Variants in SAMD3 observed in about 807,000 individuals in gnomAD.
The protein encoded by SAMD3 is sterile alpha motif domain containing 3, also known as sterile alpha motif domain-containing protein 3.
In SAMD3, 63 loss-of-function variants were observed where a neutral mutation model predicts 58.5. That is an observed-to-expected ratio of 1.08 (90% CI 0.88 to 1.33). The LOEUF (loss-of-function observed/expected upper bound fraction) is 1.33. SAMD3 is among the 40% of genes most tolerant of loss of function. The pLI is 0.00. For missense variants in SAMD3, 604 were observed against 608.4 expected, an observed-to-expected ratio of 0.99 and a Z score of 0.08; for synonymous variants, 220 against 210.3, an observed-to-expected ratio of 1.05 and a Z score of -0.40.
intron 1 of SAMD3, among the ~76,000 whole-genome samples, chr6:130,343,985 G>C (rs925843101): frequency 1.1e-4 from 16 of 143,738 alleles, no homozygotes; most frequent in Non-Finnish European, 2.1e-4. Context: ...AAAAAAAAAA[G>C]GGTCAAGGAC....
At chr6:130,256,418 A>G (rs531816432) in intron 2 of SAMD3, among the ~76,000 whole-genome samples, 1 of 152,338 alleles carries the variant, frequency 6.6e-6, no homozygotes, top group South Asian at 2.1e-4. Flanking sequence ...ACTGTGCACT[A>G]AATCTTGACT....
intron 2 of SAMD3, among the ~76,000 whole-genome samples, chr6:130,239,024 G>A (rs1773262523): frequency 1.3e-5 from 2 of 152,174 alleles, no homozygotes; most frequent in Non-Finnish European, 2.9e-5. Context: ...CTCCCAAAGT[G>A]CTGGGATTAC....
chr6:130,215,370 C>T (rs757698277), intron 2 of SAMD3, 76 bp from the exon 3 acceptor site: 78 of 1,271,306 alleles, frequency 6.1e-5, no homozygotes, highest in Admixed American at 3.3e-4. Flanking sequence ...AACAGTCAGC[C>T]GCTTCCTTTG....
chr6:130,319,644 A>T (rs1776515788), intron 1 of SAMD3, among the ~76,000 whole-genome samples: 1 of 152,216 alleles, frequency 6.6e-6, no homozygotes, highest in Non-Finnish European at 1.5e-5. Context: ...TCTTTCAAGC[A>T]TAAGGCAAAT....
intron 7 of SAMD3, among the ~76,000 whole-genome samples, chr6:130,179,597 T>C (rs988581996): frequency 2.0e-3 from 215 of 106,510 alleles, no homozygotes; most frequent in Non-Finnish European, 3.4e-3. Flanking sequence ...ATGGAGAGAC[T>C]GTCTAGGCAA....
At chr6:130,296,098 G>T (rs939415814) in intron 2 of SAMD3, among the ~76,000 whole-genome samples, 2 of 152,176 alleles carry the variant, frequency 1.3e-5, no homozygotes, top group Admixed American at 6.5e-5. Context: ...GGCCCACGGG[G>T]TCCCATGGGG....
intron 1 of SAMD3, among the ~76,000 whole-genome samples, chr6:130,346,576 G>T (rs1197385730): frequency 6.6e-6 from 1 of 152,214 alleles, no homozygotes; most frequent in African/African-American, 2.4e-5. Flanking sequence ...AAACAAAGTG[G>T]CTGGGAAGCT....
rs1791683532 is a variant in SAMD3 at position 130,175,943 on chromosome 6, C to T, written c.720G>A (p.Glu240=). The part of the protein sequence containing the change: ...KYVRRPIEDD[E]QVIRNKCKFG... ...ATTTACACTTATTTCTAATCACTTG[C>T]TCATCATCTTCTATGGGTCTTCGAA... The change falls in exon 8 of 12, where the codon GAG becomes GAA. Residue 240 remains glutamate, a synonymous_variant. Transcript: ENST00000439090. 1 of 1,613,216 alleles carries T rather than the reference C, an allele frequency of 6.2e-7. No individual in the cohort carries two copies. The highest frequency in any genetic ancestry group is 8.5e-7 in the Non-Finnish European group (1 of 1,179,288).
intron 5 of SAMD3, among the ~76,000 whole-genome samples, chr6:130,207,934 C>T (rs1311122198): frequency 6.6e-6 from 1 of 152,232 alleles, no homozygotes; most frequent in Non-Finnish European, 1.5e-5. Context: ...CTTCTCTGCA[C>T]TCATAGGGCT....
At chr6:130,335,029 T>C (rs891412687) in intron 1 of SAMD3, among the ~76,000 whole-genome samples, 13 of 152,222 alleles carry the variant, frequency 8.5e-5, no homozygotes, top group African/African-American at 3.1e-4. Flanking sequence ...CACCTTTGTC[T>C]CTGAGCTGCA....
At chr6:130,292,375 C>T (rs1175455355) in intron 2 of SAMD3, among the ~76,000 whole-genome samples, 1 of 151,278 alleles carries the variant, frequency 6.6e-6, no homozygotes, top group African/African-American at 2.4e-5. Flanking sequence ...CAACCTCCAC[C>T]TCCCGGGCTC....
intron 5 of SAMD3, among the ~76,000 whole-genome samples, chr6:130,191,571 T>G (rs1469436205): frequency 6.6e-6 from 1 of 152,070 alleles, no homozygotes; most frequent in African/African-American, 2.4e-5. Flanking sequence ...AAAGCTTCAG[T>G]ATTTCTTTTC....
intron 1 of SAMD3, among the ~76,000 whole-genome samples, chr6:130,327,698 T>C (rs1298028744): frequency 6.6e-6 from 1 of 152,200 alleles, no homozygotes; most frequent in East Asian, 1.9e-4. Flanking sequence ...CAGATATTGA[T>C]ATTAATATTT....
intron 2 of SAMD3, among the ~76,000 whole-genome samples, chr6:130,268,598 C>A: frequency 6.6e-6 from 1 of 152,056 alleles, no homozygotes; most frequent in Non-Finnish European, 1.5e-5. Context: ...ATGTTTATAC[C>A]ATATTTTTAC....
At chr6:130,303,486 C>T (rs1775818556) in intron 2 of SAMD3, among the ~76,000 whole-genome samples, 1 of 152,082 alleles carries the variant, frequency 6.6e-6, no homozygotes, top group Non-Finnish European at 1.5e-5. Context: ...GAACCTTTTC[C>T]TCTCCCAGGC....
intron 5 of SAMD3, among the ~76,000 whole-genome samples, chr6:130,197,550 A>G (rs1218613964): frequency 2.0e-5 from 3 of 152,084 alleles, no homozygotes; most frequent in Admixed American, 6.5e-5. Context: ...TAGTTTTTCA[A>G]TTCATACAAA....
At chr6:130,253,216 A>G (rs1454681979) in intron 2 of SAMD3, among the ~76,000 whole-genome samples, 1 of 152,122 alleles carries the variant, frequency 6.6e-6, no homozygotes, top group African/African-American at 2.4e-5. Context: ...GGTAGAAGTA[A>G]TTTGAAATAA....
intron 2 of SAMD3, among the ~76,000 whole-genome samples, chr6:130,308,408 C>CTATT (rs1776014115): frequency 2.8e-5 from 4 of 143,938 alleles, no homozygotes; most frequent in African/African-American, 1.1e-4. Context: ...CTATTCTATT[C>CTATT]TATTCTATTC....
chr6:130,175,687 C>G (rs1791660214), intron 8 of SAMD3, 154 bp downstream of exon 8: 1 of 473,688 alleles, frequency 2.1e-6, no homozygotes, highest in Non-Finnish European at 3.6e-6. Context: ...CATTGTTAGC[C>G]AGGCAAAACA....
Sources: allele counts gnomAD v4.1 joint callset (sites outside exome capture counted in the v4.1 genomes callset), GRCh38; gene constraint gnomAD v4.1.1; transcripts MANE v1.5; gene names NCBI Gene and HGNC (gene_info 2026-07-23, HGNC 2026-07-21).